Variants in CACNA2D2 observed in about 807,000 individuals in gnomAD.
CACNA2D2 encodes voltage-dependent calcium channel subunit alpha-2/delta-2.
A neutral mutation model predicts 166.4 loss-of-function variants in CACNA2D2; 48 were observed. The observed-to-expected ratio is 0.29, with a 90% CI of 0.23 to 0.37. CACNA2D2 has a LOEUF of 0.37. Ranked by LOEUF, CACNA2D2 falls within the 10% of genes least tolerant of loss-of-function variation. The pLI is 1.00. For synonymous variants in CACNA2D2, 561 were observed against 573.7 expected, an observed-to-expected ratio of 0.98 and a Z score of 0.32; for missense variants, 1,122 against 1,433.0, an observed-to-expected ratio of 0.78 and a Z score of 3.50.
intron 4 of CACNA2D2, among the ~76,000 whole-genome samples, chr3:50,388,000 C>T (rs1264002456): frequency 1.3e-5 from 2 of 152,310 alleles, no homozygotes; most frequent in Middle Eastern, 3.4e-3. Context: ...AATGACTCGA[C>T]GCCGCATCTT....
intron 3 of CACNA2D2, among the ~76,000 whole-genome samples, chr3:50,396,542 C>T (rs1706163948): frequency 6.6e-6 from 1 of 152,160 alleles, no homozygotes; most frequent in Non-Finnish European, 1.5e-5. Context: ...CCACGCCGAC[C>T]CCAAACCCAG....
chr3:50,366,947 T>G lies in CACNA2D2; in HGVS notation c.2501-28A>C. 1 of 1,613,400 alleles carries G rather than the reference T, an allele frequency of 6.2e-7. No homozygotes were observed. Among genetic ancestry groups the G allele is most frequent in the Non-Finnish European group, 8.5e-7 (1 of 1,179,660 alleles). On this transcript the variant is annotated intron_variant, in intron 28 of 37. Transcript: ENST00000424201. The surrounding 1 kb of genome is among the most constrained non-coding windows in gnomAD (Gnocchi z 5.9). ...TTGGGGGAGAGCAAGGGACCATCAG[T>G]GCTACCTGCCCAGGCAGTACCCTGT... is the stretch of plus-strand genomic sequence containing the variant.
At chr3:50,394,769 T>C (rs936292873) in intron 3 of CACNA2D2, among the ~76,000 whole-genome samples, 35 of 152,222 alleles carry the variant, frequency 2.3e-4, no homozygotes, top group African/African-American at 7.2e-4. Context: ...CCTCAGGGCA[T>C]AGCTGTGTGT....
chr3:50,374,708 A>G (rs1454814821), intron 22 of CACNA2D2, 29 bp downstream of exon 22: 3 of 1,571,856 alleles, frequency 1.9e-6, no homozygotes, highest in South Asian at 1.2e-5. Context: ...GGCAGGGTGC[A>G]GGGCGCAGGC....
chr3:50,389,727 T>C (rs1705795444), intron 4 of CACNA2D2, among the ~76,000 whole-genome samples: 1 of 152,202 alleles, frequency 6.6e-6, no homozygotes, highest in Non-Finnish European at 1.5e-5. Flanking sequence ...GTCAGGGACA[T>C]GGGGGGACAT....
At chr3:50,389,219 C>T (rs962661865) in intron 4 of CACNA2D2, among the ~76,000 whole-genome samples, 6 of 152,254 alleles carry the variant, frequency 3.9e-5, no homozygotes, top group East Asian at 3.9e-4. Context: ...CGCCCGGCTC[C>T]GACCGAAGCG....
chr3:50,442,173 A>G (rs1332903998), intron 2 of CACNA2D2, among the ~76,000 whole-genome samples: 2 of 152,160 alleles, frequency 1.3e-5, no homozygotes, highest in Admixed American at 1.3e-4. Context: ...TTGGAGTGAG[A>G]AAGAATCAAA....
chr3:50,426,481 C>A (rs1413243797), intron 3 of CACNA2D2, among the ~76,000 whole-genome samples: 1 of 152,140 alleles, frequency 6.6e-6, no homozygotes. Flanking sequence ...GTCAGGACAC[C>A]CAAGGTGTTG....
intron 2 of CACNA2D2, among the ~76,000 whole-genome samples, chr3:50,467,208 A>T (rs145138364): frequency 4.6e-4 from 70 of 151,966 alleles, no homozygotes; most frequent in Non-Finnish European, 8.2e-4. Flanking sequence ...TAGCCAGCAC[A>T]CTCTCACATC....
At chr3:50,369,732 G>A (rs985859270) in intron 23 of CACNA2D2, among the ~76,000 whole-genome samples, 2 of 152,238 alleles carry the variant, frequency 1.3e-5, no homozygotes, top group African/African-American at 4.8e-5. Flanking sequence ...CACACTGAGC[G>A]TGCACTCCGG....
In CACNA2D2 at chr3:50,365,050, G is replaced by C; in HGVS notation, c.3208+25C>G. 6.2e-7 allele frequency: 1 copy of C among 1,601,134 alleles called. No homozygotes were observed. The highest frequency in any genetic ancestry group is 8.5e-7 in the Non-Finnish European group (1 of 1,174,184). ...CGCGCGGGGCAGAGGGGGAGCGGGC[G>C]GCGGGGAGGGCGGGGGCAGGATACA... On this transcript the variant is annotated intron_variant, in intron 36 of 37. Transcript: ENST00000424201. This position sits in a 1 kb window ranked among gnomAD's most constrained non-coding sequence, Gnocchi z 4.5.
chr3:50,364,986 G>T lies in CACNA2D2; in HGVS notation c.3209-16C>A, dbSNP rs1368208674. 6.2e-6 allele frequency: 10 copies of T among 1,611,540 alleles called. No individual in the cohort carries two copies. The highest frequency in any genetic ancestry group is 2.2e-5 in the East Asian group (1 of 44,814). On this transcript the variant is annotated splice_polypyrimidine_tract_variant and intron_variant, in intron 36 of 37. Transcript: ENST00000424201. Reference sequence around the variant, plus strand: ...GGGCCGTCCGCTGGGCATGGGTGGGGAGTCAAGGAGGCGGACGGCGGCGGC... The same window carrying T: ...GGGCCGTCCGCTGGGCATGGGTGGGTAGTCAAGGAGGCGGACGGCGGCGGC...
chr3:50,410,426 A>G (rs915868852), intron 3 of CACNA2D2, among the ~76,000 whole-genome samples: 1 of 151,078 alleles, frequency 6.6e-6, no homozygotes, highest in Non-Finnish European at 1.5e-5. Flanking sequence ...CATGCTCACT[A>G]CCTTGGGGTT....
At chr3:50,377,080 T>C (rs911148397) in intron 17 of CACNA2D2, among the ~76,000 whole-genome samples, 4 of 152,308 alleles carry the variant, frequency 2.6e-5, no homozygotes, top group African/African-American at 7.2e-5. Context: ...GGAAAAAACA[T>C]CAAAGGAAGA....
chr3:50,438,131 G>C (rs1371014819), intron 2 of CACNA2D2, among the ~76,000 whole-genome samples: 1 of 152,190 alleles, frequency 6.6e-6, no homozygotes, highest in East Asian at 1.9e-4. Context: ...GGGGAGGACT[G>C]AGGAACAGGG....
intron 1 of CACNA2D2, among the ~76,000 whole-genome samples, chr3:50,477,536 G>A (rs59790001): frequency 0.086 from 13,138 of 152,182 alleles, 1,723 homozygotes; most frequent in African/African-American, 0.28. Flanking sequence ...CTTGCCAGAG[G>A]CCAGCCAGAG....
At chr3:50,501,782 A>C (rs1443520038) in intron 1 of CACNA2D2, among the ~76,000 whole-genome samples, 1 of 152,248 alleles carries the variant, frequency 6.6e-6, no homozygotes, top group South Asian at 2.1e-4. Flanking sequence ...GCTTTTTTTA[A>C]GCACTATGAT....
Position 50,364,983 on chromosome 3 carries a change from G to A in CACNA2D2, c.3209-13C>T, listed in dbSNP as rs376221360. 13 of 1,611,896 alleles carry A rather than the reference G, an allele frequency of 8.1e-6. No homozygotes were observed. The highest frequency in any genetic ancestry group is 1.3e-5 in the African/African-American group (1 of 74,870). ...TCCGGGCCGTCCGCTGGGCATGGGT[G>A]GGGAGTCAAGGAGGCGGACGGCGGC... On this transcript the variant is annotated splice_polypyrimidine_tract_variant and intron_variant, in intron 36 of 37. Transcript: ENST00000424201.
intron 13 of CACNA2D2, 140 bp downstream of exon 13, chr3:50,378,775 C>T (rs1559889378): frequency 4.1e-6 from 4 of 972,416 alleles, no homozygotes; most frequent in South Asian, 1.5e-5. Flanking sequence ...GAGTGAGGGA[C>T]AGCCTCGTGG....
Sources: allele counts gnomAD v4.1 joint callset (sites outside exome capture counted in the v4.1 genomes callset), GRCh38; gene constraint gnomAD v4.1.1; non-coding constraint Gnocchi (gnomAD v3.1); transcripts MANE v1.5; gene names NCBI Gene and HGNC (gene_info 2026-07-23, HGNC 2026-07-21).